SFMBT2: variants seen among roughly 807,000 people sequenced by gnomAD.
SFMBT2 encodes the protein scm-like with four MBT domains protein 2.
A neutral mutation model predicts 110.1 loss-of-function variants in SFMBT2; 38 were observed. That is an observed-to-expected ratio of 0.35 (90% CI 0.27 to 0.45). The LOEUF (loss-of-function observed/expected upper bound fraction) is 0.45, where lower values mean the gene tolerates loss of function less well. Ranked by LOEUF, SFMBT2 falls within the 20% of genes least tolerant of loss-of-function variation. The pLI is 1.00. For synonymous variants in SFMBT2, 425 were observed against 425.4 expected, an observed-to-expected ratio of 1.00 and a Z score of 0.01; for missense variants, 1,011 against 1,094.9, an observed-to-expected ratio of 0.92 and a Z score of 1.08.
At chr10:7,246,581 T>C (rs1840619849) in intron 8 of SFMBT2, among the ~76,000 whole-genome samples, 1 of 151,466 alleles carries the variant, frequency 6.6e-6, no homozygotes, top group South Asian at 2.1e-4. Flanking sequence ...TAGCCAGGCG[T>C]GGTGGCAGGC....
At chr10:7,310,973 G>A (rs1253407255) in intron 4 of SFMBT2, among the ~76,000 whole-genome samples, 2 of 151,278 alleles carry the variant, frequency 1.3e-5, no homozygotes, top group Admixed American at 1.3e-4. Flanking sequence ...CTTGAACCCG[G>A]GAGGCAGAGG....
At chr10:7,184,271 A>T (rs771762929) in intron 16 of SFMBT2, among the ~76,000 whole-genome samples, 22 of 152,198 alleles carry the variant, frequency 1.4e-4, no homozygotes, top group Non-Finnish European at 2.6e-4. Flanking sequence ...GGAGGGACCC[A>T]GTGGGAGGTA....
intron 10 of SFMBT2, among the ~76,000 whole-genome samples, chr10:7,220,832 T>C (rs1839706672): frequency 6.6e-6 from 1 of 151,646 alleles, no homozygotes; most frequent in Non-Finnish European, 1.5e-5. Flanking sequence ...CCTTCTTTTT[T>C]TTTTTTGTTT....
chr10:7,370,176 C>A, intron 3 of SFMBT2, 105 bp downstream of exon 3: 1 of 1,020,078 alleles, frequency 9.8e-7, no homozygotes, highest in South Asian at 1.4e-5. Flanking sequence ...CACGAATTTC[C>A]CTCTTTCCTC....
chr10:7,243,124 A>G (rs929230896), intron 9 of SFMBT2, among the ~76,000 whole-genome samples: 32 of 152,162 alleles, frequency 2.1e-4, no homozygotes, highest in Non-Finnish European at 2.9e-5. Context: ...ATAGCATCTA[A>G]TTGTCGGATA....
At chr10:7,380,819 G>A (rs1845398834) in intron 2 of SFMBT2, among the ~76,000 whole-genome samples, 1 of 152,118 alleles carries the variant, frequency 6.6e-6, no homozygotes, top group Admixed American at 6.6e-5. Context: ...GGAGGCTAAG[G>A]CAGGAGGATC....
intron 4 of SFMBT2, among the ~76,000 whole-genome samples, chr10:7,349,355 A>G (rs1018552933): frequency 2.0e-5 from 3 of 150,822 alleles, no homozygotes; most frequent in Admixed American, 2.0e-4. Context: ...GTCAAACTTA[A>G]GGTGGACAGA....
At chr10:7,372,768 T>C (rs894474705) in intron 2 of SFMBT2, among the ~76,000 whole-genome samples, 5 of 152,232 alleles carry the variant, frequency 3.3e-5, no homozygotes, top group Non-Finnish European at 7.3e-5. Flanking sequence ...CTCAGCACTA[T>C]TGCTCTGCCC....
At chr10:7,320,337 A>G (rs1490040110) in intron 4 of SFMBT2, among the ~76,000 whole-genome samples, 1 of 152,150 alleles carries the variant, frequency 6.6e-6, no homozygotes, top group Non-Finnish European at 1.5e-5. Context: ...AGTGTTCTCT[A>G]CCATCTTGCC....
At chr10:7,291,761 G>C (rs1451475133) in intron 4 of SFMBT2, among the ~76,000 whole-genome samples, 5 of 152,202 alleles carry the variant, frequency 3.3e-5, no homozygotes, top group Admixed American at 6.5e-5. Context: ...GTTCTCCCCA[G>C]ACAATTCAGT....
chr10:7,200,373 C>T (rs377440578), intron 14 of SFMBT2, 41 bp downstream of exon 14: 51 of 1,473,672 alleles, frequency 3.5e-5, no homozygotes, highest in African/African-American at 1.0e-4. Context: ...CCCGGCTGCA[C>T]GGTGGGAAGG....
Position 7,159,862 on chromosome 10 carries a change from A to T in SFMBT2, c.*3908T>A, listed in dbSNP as rs1588749116. Reference sequence around the variant, plus strand: ...AAAACTAAGCGGGGACAGCTCTTAGAAAGGGGTGTTTGGCATAAGACAGAA... The same window carrying T: ...AAAACTAAGCGGGGACAGCTCTTAGTAAGGGGTGTTTGGCATAAGACAGAA... On this transcript the variant is annotated 3_prime_UTR_variant, in exon 21 of 21. Transcript: ENST00000397167. 1 of 152,184 alleles carries T rather than the reference A, an allele frequency of 6.6e-6. No homozygotes were observed. 9.4% of individuals were successfully genotyped at this position (152,184 alleles called of 1,614,324 possible).
chr10:7,240,715 C>T lies in SFMBT2; in HGVS notation c.1120+2843G>A, dbSNP rs946608639. On this transcript the variant is annotated intron_variant, in intron 9 of 20. Transcript: ENST00000397167. ...ATTTCTGTCTCATCTGATAAGCAGA[C>T]ACCACTTCAATAGGATTTCTCTTCA... Among the ~76,000 whole-genome samples, 10 of 152,132 alleles carry T rather than the reference C, an allele frequency of 6.6e-5. No homozygotes were observed. In the South Asian group the frequency reaches 1.2e-3, roughly 19 times the overall value.
intron 7 of SFMBT2, among the ~76,000 whole-genome samples, chr10:7,275,179 C>A (rs1205611377): frequency 6.6e-6 from 1 of 152,242 alleles, no homozygotes; most frequent in East Asian, 1.9e-4. Flanking sequence ...GGCCTGGCAG[C>A]TCCGAGGCTT....
chr10:7,176,508 GA>G, intron 16 of SFMBT2: 1 of 985,324 alleles, frequency 1.0e-6, no homozygotes, highest in Non-Finnish European at 1.2e-6. Context: ...TAGTGAAATC[GA>G]ATGGGTATTT....
chr10:7,271,964 C>T (rs547232743), intron 7 of SFMBT2, among the ~76,000 whole-genome samples: 6 of 152,234 alleles, frequency 3.9e-5, no homozygotes, highest in African/African-American at 1.4e-4. Context: ...CTGGGAGCTA[C>T]AAGATGAGAT....
intron 10 of SFMBT2, among the ~76,000 whole-genome samples, chr10:7,221,573 G>GAAA (rs59097520): frequency 2.1e-5 from 3 of 142,392 alleles, no homozygotes; most frequent in Non-Finnish European, 3.0e-5. Flanking sequence ...CTCAAATGAG[G>GAAA]AAAAAAAAAA....
At chr10:7,228,706 T>TC (rs757272057) in intron 9 of SFMBT2, among the ~76,000 whole-genome samples, 1 of 134,964 alleles carries the variant, frequency 7.4e-6, no homozygotes, top group Non-Finnish European at 1.6e-5. Flanking sequence ...TTTCTTTCTT[T>TC]CTTTCTTTCT....
intron 7 of SFMBT2, among the ~76,000 whole-genome samples, chr10:7,275,893 A>G (rs1481021285): frequency 6.6e-6 from 1 of 152,240 alleles, no homozygotes; most frequent in Non-Finnish European, 1.5e-5. Flanking sequence ...CATCTTCTAC[A>G]TGAAACTTGT....
Sources: gnomAD v4.1 joint callset for allele counts (sites outside exome capture counted in the v4.1 genomes callset) on GRCh38, gnomAD v4.1.1 for gene constraint, MANE v1.5 for transcripts, NCBI Gene and HGNC (gene_info 2026-07-23, HGNC 2026-07-21) for gene names.